Variants in AXIN1 observed in about 807,000 individuals in gnomAD.
AXIN1 encodes axin-1.
Under a neutral mutation model 76.4 loss-of-function variants are expected in AXIN1, and 30 were observed. That is an observed-to-expected ratio of 0.39 (90% CI 0.29 to 0.53). AXIN1 has a LOEUF of 0.53. AXIN1 is among the 20% of genes least tolerant of loss of function. The pLI is 0.66. For synonymous variants in AXIN1, 545 were observed against 501.4 expected (o/e 1.09, Z -1.16); for missense variants, 1,140 against 1,198.8 (o/e 0.95, Z 0.72).
At chr16:302,911 G>A (rs1436035214) in intron 5 of AXIN1, among the ~76,000 whole-genome samples, 1 of 152,144 alleles carries the variant, frequency 6.6e-6, no homozygotes, top group Non-Finnish European at 1.5e-5. Flanking sequence ...ACCCAGGCTG[G>A]AGTGCAGTGG....
rs746504646 is a variant in AXIN1 at position 291,243 on chromosome 16, C to A, written c.2241G>T (p.Ala747=). ...CGGCTGGTACCACGTGCAGCACCGG[C>A]GCGCACGCTGGCCTGACGCAGGCGC... ...RGRACVRPAC[A]PVLHVVPAVS... Residue 747 remains alanine (A), a synonymous_variant, in exon 9 of 11, where the codon GCG becomes GCT. Coordinates refer to ENST00000262320, the MANE Select transcript of AXIN1 (RefSeq NM_003502.4). 6.3e-7 allele frequency: 1 copy of A among 1,587,200 alleles called. No homozygotes were observed. The highest frequency in any genetic ancestry group is 2.3e-5 in the East Asian group (1 of 43,770).
At chr16:309,862 G>GT (rs1317158522) in intron 4 of AXIN1, 111 bp downstream of exon 4, 9 of 1,049,092 alleles carry the variant, frequency 8.6e-6, no homozygotes, top group Non-Finnish European at 1.3e-5. Context: ...ACGCCTAGAG[G>GT]TAAGCCTGGC....
intron 5 of AXIN1, among the ~76,000 whole-genome samples, chr16:300,949 G>A (rs1057070355): frequency 3.9e-5 from 6 of 152,152 alleles, no homozygotes; most frequent in Admixed American, 3.9e-4. Context: ...TTTCTTCTTT[G>A]TGCTTTAATT....
chr16:302,484 C>T (rs566567860), intron 5 of AXIN1, among the ~76,000 whole-genome samples: 1 of 152,256 alleles, frequency 6.6e-6, no homozygotes, highest in Non-Finnish European at 1.5e-5. Context: ...CCACCATCTG[C>T]AGCGACCACA....
chr16:338,332 C>T (rs946392813), intron 2 of AXIN1, among the ~76,000 whole-genome samples: 2 of 152,232 alleles, frequency 1.3e-5, no homozygotes, highest in Non-Finnish European at 2.9e-5. Flanking sequence ...TACCCCAAGC[C>T]CTCCAGAAAC....
chr16:299,321 GA>G, intron 5 of AXIN1: 1 of 789,872 alleles, frequency 1.3e-6, no homozygotes, highest in Non-Finnish European at 1.5e-6. Context: ...CAATACAAAA[GA>G]AAGAGAGGGA....
At chr16:290,947 C>T in intron 9 of AXIN1, 1 of 575,670 alleles carries the variant, frequency 1.7e-6, no homozygotes. Context: ...TGTGCCCAGG[C>T]CTCCAGCCGG....
At chr16:301,694 C>A (rs564832789) in intron 5 of AXIN1, among the ~76,000 whole-genome samples, 18 of 152,200 alleles carry the variant, frequency 1.2e-4, no homozygotes, top group Admixed American at 9.8e-4. Flanking sequence ...GCACACCCTG[C>A]GAACGGGTGA....
At chr16:310,552 A>G (rs2053150956) in intron 3 of AXIN1, among the ~76,000 whole-genome samples, 1 of 152,116 alleles carries the variant, frequency 6.6e-6, no homozygotes, top group Non-Finnish European at 1.5e-5. Context: ...GCCCGCCACC[A>G]CGCCCAGCTA....
intron 2 of AXIN1, among the ~76,000 whole-genome samples, chr16:345,464 C>T (rs893858468): frequency 1.3e-5 from 2 of 152,338 alleles, no homozygotes; most frequent in Non-Finnish European, 2.9e-5. Flanking sequence ...CCTGTAATCC[C>T]AACACTTTGG....
intron 4 of AXIN1, among the ~76,000 whole-genome samples, chr16:307,913 A>C (rs2053070693): frequency 6.6e-6 from 1 of 152,186 alleles, no homozygotes; most frequent in African/African-American, 2.4e-5. Flanking sequence ...GGCCCCGGGC[A>C]GCTGTGCCCG....
intron 2 of AXIN1, among the ~76,000 whole-genome samples, chr16:318,295 G>A (rs903735958): frequency 1.3e-5 from 2 of 152,206 alleles, no homozygotes; most frequent in South Asian, 2.1e-4. Flanking sequence ...GAGAAACGCA[G>A]GTTTCCCATT....
chr16:288,831 G>T (rs1202058093), intron 10 of AXIN1, among the ~76,000 whole-genome samples: 1 of 152,234 alleles, frequency 6.6e-6, no homozygotes, highest in Non-Finnish European at 1.5e-5. Flanking sequence ...TCAGGCAAAA[G>T]CACATGAGTC....
At position 298,266 on chromosome 16, in the gene AXIN1, G is replaced by A. The variant is rs373062859; in HGVS notation, c.1255-15C>T. ...CCTTCCTCCTCCTGTGTGGGGACAA[G>A]CAGCACCATCACCTCTCAGCACCAG... On this transcript the variant is annotated splice_polypyrimidine_tract_variant and intron_variant, in intron 5 of 10. Transcript: ENST00000262320. 24 of 1,537,912 alleles carry A rather than the reference G, an allele frequency of 1.6e-5. No individual in the cohort carries two copies. The highest frequency in any genetic ancestry group is 1.9e-5 in the Non-Finnish European group (22 of 1,146,962).
chr16:331,566 C>T (rs1290644190), intron 2 of AXIN1, among the ~76,000 whole-genome samples: 2 of 152,142 alleles, frequency 1.3e-5, no homozygotes, highest in East Asian at 1.9e-4. Context: ...ATGAAAGAAA[C>T]GCAACCAACT....
At chr16:304,777 T>C (rs564240656) in intron 4 of AXIN1, among the ~76,000 whole-genome samples, 16 of 152,296 alleles carry the variant, frequency 1.1e-4, no homozygotes, top group African/African-American at 3.8e-4. Flanking sequence ...TCAGGTGATC[T>C]GCCCACCTCA....
chr16:351,502 C>T (rs1461023772), intron 1 of AXIN1, among the ~76,000 whole-genome samples: 1 of 151,806 alleles, frequency 6.6e-6, no homozygotes, highest in Non-Finnish European at 1.5e-5. Flanking sequence ...CCCAGCTACT[C>T]AGGCGGCTGA....
intron 9 of AXIN1, chr16:290,082 G>A (rs2052512200): frequency 4.2e-6 from 1 of 236,418 alleles, no homozygotes; most frequent in African/African-American, 2.3e-5. Context: ...CCCTTCAGAG[G>A]GGGCAGGGCT....
rs190430055 is a variant in AXIN1, at chr16:325,559, C to T, written c.879-10876G>A. ...CTCCCCACGTCTCGCCTCCCCCAGT[C>T]CAGACACAAACCTGGTCAAGGGCGC... On this transcript the variant is annotated intron_variant, in intron 2 of 10. Coordinates refer to ENST00000262320, the MANE Select transcript of AXIN1 (RefSeq NM_003502.4). Among the ~76,000 whole-genome samples, 1,296 of 152,366 alleles carry T rather than the reference C, an allele frequency of 8.5e-3. 9 individuals carry two copies. Among genetic ancestry groups the T allele is most frequent in the Middle Eastern group, 0.014 (4 of 294 alleles).
Sources: gnomAD v4.1 joint callset for allele counts (sites outside exome capture counted in the v4.1 genomes callset) on GRCh38, gnomAD v4.1.1 for gene constraint, MANE v1.5 for transcripts, NCBI Gene and HGNC (gene_info 2026-07-23, HGNC 2026-07-21) for gene names.